Variants in TRNT1 observed in about 807,000 individuals in gnomAD.
TRNT1 encodes tRNA nucleotidyl transferase 1, also known as CCA tRNA nucleotidyltransferase 1, mitochondrial.
A neutral mutation model predicts 45.6 loss-of-function variants in TRNT1; 44 were observed. That is an observed-to-expected ratio of 0.97 (90% CI 0.76 to 1.24). The LOEUF (loss-of-function observed/expected upper bound fraction) is 1.24. Ranked by LOEUF, TRNT1 falls within the 50% of genes most tolerant of loss-of-function variation. The pLI is 0.00. For synonymous variants in TRNT1, 201 were observed against 171.4 expected (o/e 1.17, Z -1.35); for missense variants, 633 against 504.4 (o/e 1.25, Z -2.44).
downstream of TRNT1, among the ~76,000 whole-genome samples, chr3:3,151,713 C>T (rs141771761): frequency 6.6e-5 from 10 of 152,290 alleles, no homozygotes; most frequent in African/African-American, 2.4e-4. Context: ...ATACATAGTC[C>T]TAACCCCAGA....
intron 4 of TRNT1, among the ~76,000 whole-genome samples, chr3:3,143,834 G>C (rs910658402): frequency 6.6e-6 from 1 of 152,098 alleles, no homozygotes; most frequent in Non-Finnish European, 1.5e-5. Flanking sequence ...CTCCAACCAG[G>C]GTGACAAAGT....
At chr3:3,138,895 G>A (rs1705481190) in intron 3 of TRNT1, among the ~76,000 whole-genome samples, 1 of 152,174 alleles carries the variant, frequency 6.6e-6, no homozygotes, top group Non-Finnish European at 1.5e-5. Flanking sequence ...GTGATGCTCT[G>A]TATCTGAGGG....
rs1705583433 is a variant in TRNT1, at chr3:3,140,576, G to A, written c.409G>A (p.Glu137Lys). The change falls in exon 4 of 8, where the codon GAG (glutamate) becomes AAG (lysine). Residue 137 changes from glutamate to lysine, a missense_variant. Coordinates refer to ENST00000251607, the MANE Select transcript of TRNT1 (RefSeq NM_182916.3). ...IDVTTDGRHA[E>K]VEFTTDWQKD... ...TGTCACCACTGATGGAAGACATGCT[G>A]AGGTAGAATTTACAACTGACTGGCA... 1 of 1,614,174 alleles carries A rather than the reference G, an allele frequency of 6.2e-7. No homozygotes were observed. Among genetic ancestry groups the A allele is most frequent in the East Asian group, 2.2e-5 (1 of 44,870 alleles).
chr3:3,129,071 C>G lies in TRNT1; in HGVS notation c.31C>G (p.Pro11Ala), dbSNP rs769556416. The change falls in exon 2 of 8, where the codon CCA becomes GCA. Residue 11 changes from proline to alanine, a missense_variant. By Grantham distance (27) the Pro-to-Ala change is conservative. Coordinates refer to ENST00000251607, the MANE Select transcript of TRNT1 (RefSeq NM_182916.3). ...GAGGTGCCTGTATCATTGGCACAGGCCAGTGCTGAACCGTAGGTGGAGTAG... is the reference window on the plus strand; with the variant it reads ...GAGGTGCCTGTATCATTGGCACAGGGCAGTGCTGAACCGTAGGTGGAGTAG... MLRCLYHWHR[P>A]VLNRRWSRLC... The G allele has an allele frequency of 1.9e-6, 3 of 1,613,812 alleles. No homozygotes were observed. Among genetic ancestry groups the G allele is most frequent in the African/African-American group, 2.7e-5 (2 of 74,936 alleles).
intron 2 of TRNT1, among the ~76,000 whole-genome samples, chr3:3,133,292 C>T (rs1413978939): frequency 6.6e-6 from 1 of 152,044 alleles, no homozygotes; most frequent in Middle Eastern, 3.2e-3. Flanking sequence ...TAGCTCATGC[C>T]TATAATCTCC....
intron 1 of TRNT1, among the ~76,000 whole-genome samples, chr3:3,128,626 T>G (rs1426257917): frequency 7.4e-6 from 1 of 134,798 alleles, no homozygotes; most frequent in African/African-American, 2.7e-5. Flanking sequence ...AAAAAAGAAT[T>G]CCTTTGTTAT....
intron 6 of TRNT1, among the ~76,000 whole-genome samples, 170 bp downstream of exon 6, chr3:3,146,793 A>C (rs1397965000): frequency 6.6e-6 from 1 of 152,212 alleles, no homozygotes; most frequent in Admixed American, 6.5e-5. Flanking sequence ...TGAGTAGGGA[A>C]GAGCTCAAAG....
Position 3,126,942 on chromosome 3 carries a change from C to A in TRNT1, c.-76C>A, listed in dbSNP as rs116700990. On this transcript the variant is annotated 5_prime_UTR_variant, in exon 1 of 8. Coordinates refer to ENST00000251607, the MANE Select transcript of TRNT1 (RefSeq NM_182916.3). ...TTGGTGACGTCACCGCGTTCACCAG[C>A]CCGGAAGTGCGCGTGGCGGCGGTGG... The A allele has an allele frequency of 0.031, 4,782 of 152,836 alleles. 158 individuals carry two copies. Among genetic ancestry groups the A allele is most frequent in the African/African-American group, 0.087 (3,602 of 41,586 alleles). The allele number at this position is 152,836 out of a possible 1,614,324, so 9.5% of individuals were successfully genotyped here. A position where few individuals can be genotyped will look rare whatever the true frequency, so the allele number is the denominator to read the frequency against.
At chr3:3,134,071 G>C (rs1296594805) in intron 2 of TRNT1, among the ~76,000 whole-genome samples, 3 of 152,108 alleles carry the variant, frequency 2.0e-5, no homozygotes, top group African/African-American at 7.2e-5. Context: ...ACGTAGTTTG[G>C]GGATGATGAG....
intron 5 of TRNT1, chr3:3,144,938 A>G (rs1016373628): frequency 6.3e-5 from 16 of 253,724 alleles, no homozygotes; most frequent in African/African-American, 3.3e-4. Flanking sequence ...CTTTCCTACA[A>G]TTTTAAGTCA....
intron 4 of TRNT1, among the ~76,000 whole-genome samples, chr3:3,141,071 C>CA (rs559055367): frequency 2.0e-5 from 3 of 150,376 alleles, no homozygotes; most frequent in South Asian, 2.1e-4. Flanking sequence ...GACTCCATCT[C>CA]AAAAAAAAAG....
intron 6 of TRNT1, 39 bp downstream of exon 6, chr3:3,146,662 G>T: frequency 1.4e-6 from 2 of 1,480,660 alleles, no homozygotes; most frequent in South Asian, 2.7e-5. Context: ...TTTTGGCAGT[G>T]AAATATCTGG....
chr3:3,150,557 T>G (rs948166954), downstream of TRNT1: 1 of 230,826 alleles, frequency 4.3e-6, no homozygotes, highest in Admixed American at 5.2e-5. Flanking sequence ...TCTCATCATT[T>G]CCAAAGATGT....
chr3:3,141,444 TCAG>T (rs1412166609), intron 4 of TRNT1, among the ~76,000 whole-genome samples: 1 of 152,216 alleles, frequency 6.6e-6, no homozygotes, highest in Non-Finnish European at 1.5e-5. Context: ...GTGAATGACT[TCAG>T]CACTTTTTAC....
At chr3:3,150,716 A>C, downstream of TRNT1, 1 of 754,446 alleles carries the variant, frequency 1.3e-6, no homozygotes, top group Non-Finnish European at 2.1e-6. Context: ...ATACAGTTTC[A>C]CTTAGAAACT....
chr3:3,143,353 A>C lies in TRNT1; in HGVS notation c.482-1231A>C, dbSNP rs75449674. Among the ~76,000 whole-genome samples the C allele has an allele frequency of 7.6e-3, 1,164 of 152,316 alleles. 19 individuals are homozygous for C. Among genetic ancestry groups the C allele is most frequent in the African/African-American group, 0.021 (886 of 41,572 alleles). On this transcript the variant is annotated intron_variant, in intron 4 of 7. Transcript: ENST00000251607. ...CTTGAGGTTTTATGTACATATATAT[A>C]AAATTAGTTTTATGTCACTTTTTTC...
chr3:3,138,937 C>T (rs1195951509), intron 3 of TRNT1, among the ~76,000 whole-genome samples: 1 of 152,102 alleles, frequency 6.6e-6, no homozygotes, highest in African/African-American at 2.4e-5. Context: ...GAAGTGTCAG[C>T]CAACTGGGAC....
At chr3:3,137,486 C>CT in intron 3 of TRNT1, 33 bp downstream of exon 3, 1 of 1,520,312 alleles carries the variant, frequency 6.6e-7, no homozygotes, top group Non-Finnish European at 8.8e-7. Context: ...AATTACATTG[C>CT]TTTTTTGGTA....
downstream of TRNT1, among the ~76,000 whole-genome samples, chr3:3,151,717 C>A (rs1367289866): frequency 6.6e-6 from 1 of 152,132 alleles, no homozygotes; most frequent in African/African-American, 2.4e-5. Flanking sequence ...ATAGTCCTAA[C>A]CCCAGAGTAG....
Sources: allele counts gnomAD v4.1 joint callset (sites outside exome capture counted in the v4.1 genomes callset), GRCh38; gene constraint gnomAD v4.1.1; transcripts MANE v1.5; gene names NCBI Gene and HGNC (gene_info 2026-07-23, HGNC 2026-07-21).